DOP1A: variants seen among roughly 807,000 people sequenced by gnomAD.
DOP1A encodes the protein DOP1 leucine zipper like protein A, also known as protein DOP1A.
DOP1A carries 90 observed loss-of-function variants against 267.6 expected under a neutral mutation model. The observed-to-expected ratio is 0.34, with a 90% CI of 0.28 to 0.40. The LOEUF is 0.40. Ranked by LOEUF, DOP1A falls within the 10% of genes least tolerant of loss-of-function variation. The pLI is 1.00. For synonymous variants in DOP1A, 932 were observed against 999.1 expected (o/e 0.93, Z 1.27); for missense variants, 2,437 against 2,900.4 (o/e 0.84, Z 3.67).
chr6:83,139,091 A>T lies in DOP1A; in HGVS notation c.5049A>T (p.Thr1683=). 6.2e-7 allele frequency: 1 copy of T among 1,614,034 alleles called. No homozygotes were observed. The highest frequency in any genetic ancestry group is 1.1e-5 in the South Asian group (1 of 91,068). The change falls in exon 21 of 39, where the codon ACA becomes ACT. Residue 1683 remains threonine (T), a synonymous_variant. Transcript: ENST00000349129. ...KVLQRVVVSV[T]LQLCRNLDNL... ...TGCAGAGAGTGGTTGTTTCTGTGAC[A>T]CTACAACTGTGCAGAAATTTAGATA... is the stretch of plus-strand genomic sequence containing the variant.
At chr6:83,113,833 C>A (rs898182987) in intron 7 of DOP1A, among the ~76,000 whole-genome samples, 3 of 152,150 alleles carry the variant, frequency 2.0e-5, no homozygotes, top group African/African-American at 7.2e-5. Flanking sequence ...TGTTTAGCCA[C>A]TGTGATATTC....
chr6:83,113,815 G>A (rs1352915043), intron 7 of DOP1A, among the ~76,000 whole-genome samples: 2 of 152,142 alleles, frequency 1.3e-5, no homozygotes, highest in African/African-American at 4.8e-5. Flanking sequence ...TATAACTTAA[G>A]AGCCACATGT....
intron 1 of DOP1A, among the ~76,000 whole-genome samples, chr6:83,073,778 C>A (rs1786011077): frequency 6.6e-6 from 1 of 152,158 alleles, no homozygotes; most frequent in African/African-American, 2.4e-5. Context: ...TCATGACTGG[C>A]AAGGCAAGTT....
intron 3 of DOP1A, among the ~76,000 whole-genome samples, chr6:83,099,361 T>C (rs1261773189): frequency 2.0e-5 from 3 of 152,254 alleles, no homozygotes; most frequent in East Asian, 1.9e-4. Flanking sequence ...CTTTTGAAGT[T>C]TGAATAATTC....
At chr6:83,084,168 A>G (rs892883695) in intron 1 of DOP1A, among the ~76,000 whole-genome samples, 2 of 152,188 alleles carry the variant, frequency 1.3e-5, no homozygotes, top group African/African-American at 4.8e-5. Context: ...TGGCCCACCT[A>G]TGTAACAGTG....
chr6:83,130,233 G>A lies in DOP1A; in HGVS notation c.2452G>A (p.Val818Met), dbSNP rs1777806737. ...TGCTATTTCACTAGTTATGGACCTG[G>A]TGGGACTGACACAGTCTGTGGCCAT... ...SVAISLVMDLVGLTQSVAMVT... is the reference protein window; with the variant it reads ...SVAISLVMDLMGLTQSVAMVT... The change falls in exon 17 of 39, where the codon GTG becomes ATG. Residue 818 changes from valine to methionine, a missense_variant. Around this residue, in one of 9 missense-constraint regions of DOP1A, gnomAD observed 878 missense variants for 992.9 expected, o/e 0.88. Transcript: ENST00000349129. 6.2e-7 allele frequency: 1 copy of A among 1,613,944 alleles called. No individual in the cohort carries two copies. Among genetic ancestry groups the A allele is most frequent in the African/African-American group, 1.3e-5 (1 of 74,904 alleles).
intron 21 of DOP1A, among the ~76,000 whole-genome samples, chr6:83,139,600 G>A (rs1046930480): frequency 4.9e-4 from 75 of 152,118 alleles, no homozygotes; most frequent in Non-Finnish European, 4.9e-4. Context: ...TTCGATCTGA[G>A]TCTCTATGCT....
intron 1 of DOP1A, among the ~76,000 whole-genome samples, chr6:83,092,398 A>G (rs1770592738): frequency 6.6e-6 from 1 of 152,190 alleles, no homozygotes; most frequent in Non-Finnish European, 1.5e-5. Context: ...GCAAATCCTT[A>G]TATAAAACAA....
chr6:83,111,194 C>A (rs770712121), intron 6 of DOP1A, among the ~76,000 whole-genome samples: 1 of 152,064 alleles, frequency 6.6e-6, no homozygotes, highest in Non-Finnish European at 1.5e-5. Flanking sequence ...AGGTAATCCA[C>A]CCACCTCAGC....
intron 6 of DOP1A, among the ~76,000 whole-genome samples, chr6:83,112,581 C>G (rs1338944350): frequency 6.6e-6 from 1 of 152,168 alleles, no homozygotes; most frequent in Non-Finnish European, 1.5e-5. Context: ...TCCCTTGCCT[C>G]AGCCACCTGA....
At chr6:83,158,317 A>T (rs1783326692) in intron 35 of DOP1A, among the ~76,000 whole-genome samples, 1 of 152,090 alleles carries the variant, frequency 6.6e-6, no homozygotes, top group African/African-American at 2.4e-5. Flanking sequence ...TCCTTTTTTA[A>T]TAACTAACTC....
rs1786250180 is a variant in DOP1A at position 83,167,998 on chromosome 6, A to C, written c.7229A>C (p.Lys2410Thr). 9.9e-6 allele frequency: 16 copies of C among 1,614,042 alleles called. No homozygotes were observed. The highest frequency in any genetic ancestry group is 1.3e-5 in the Non-Finnish European group (15 of 1,180,036). Residue 2410 changes from lysine (K) to threonine (T), a missense_variant, in exon 39 of 39, where the codon AAA becomes ACA. Physicochemically the swap from Lys to Thr is moderately conservative, Grantham distance 78. Around this residue, in one of 9 missense-constraint regions of DOP1A, gnomAD observed 197 missense variants for 246.5 expected, o/e 0.80. Coordinates refer to ENST00000349129, the MANE Select transcript of DOP1A (RefSeq NM_015018.4). ...FNVLSQVFNS[K>T]VTSRCGGHSG... ...GTGCTCAGTCAAGTCTTCAACAGCAAAGTCACAAGCCGATGTGGAGGACAC... is the reference window on the plus strand; with the variant it reads ...GTGCTCAGTCAAGTCTTCAACAGCACAGTCACAAGCCGATGTGGAGGACAC...
intron 25 of DOP1A, among the ~76,000 whole-genome samples, 157 bp from the exon 26 acceptor site, chr6:83,147,079 G>A (rs1447469029): frequency 6.6e-6 from 1 of 152,054 alleles, no homozygotes; most frequent in African/African-American, 2.4e-5. Context: ...CCTACTGAGT[G>A]GAAGAGAACT....
Position 83,119,778 on chromosome 6 carries a change from C to T in DOP1A, c.911C>T (p.Pro304Leu). The T allele has an allele frequency of 6.2e-7, 1 of 1,612,664 alleles. No individual in the cohort carries two copies. The highest frequency in any genetic ancestry group is 8.5e-7 in the Non-Finnish European group (1 of 1,179,098). ...GATAACAACGGTGCTATCATAGGAC[C>T]CAGAAGCACAAGACACAGTAATCCT... The part of the protein sequence containing the change: ...GFDNNGAIIG[P>L]RSTRHSNPEE... Residue 304 changes from proline to leucine, a missense_variant, in exon 9 of 39, where the codon CCC (proline) becomes CTC (leucine). By Grantham distance (98) the Pro-to-Leu change is moderately conservative (BLOSUM62 -3). This residue lies in a region of DOP1A where 498 missense variants were observed against 513.5 expected (regional missense o/e 0.97). Coordinates refer to ENST00000349129, the MANE Select transcript of DOP1A (RefSeq NM_015018.4).
intron 24 of DOP1A, among the ~76,000 whole-genome samples, chr6:83,144,204 A>T (rs1562358393): frequency 6.6e-6 from 1 of 152,204 alleles, no homozygotes; most frequent in Non-Finnish European, 1.5e-5. Context: ...TGAAGAAGAC[A>T]GGGGATCCAA....
intron 10 of DOP1A, 124 bp downstream of exon 10, chr6:83,120,915 A>G (rs1776267409): frequency 1.6e-6 from 1 of 632,498 alleles, no homozygotes; most frequent in East Asian, 2.9e-5. Context: ...GTTCTCAACA[A>G]TTTCTTAAAG....
At chr6:83,120,885 G>T in intron 10 of DOP1A, 94 bp downstream of exon 10, 1 of 943,238 alleles carries the variant, frequency 1.1e-6, no homozygotes, top group East Asian at 2.7e-5. Flanking sequence ...GTTATATTTT[G>T]AGGTGGCCTT....
intron 38 of DOP1A, chr6:83,165,215 G>A (rs1785173429): frequency 6.5e-6 from 1 of 153,108 alleles, no homozygotes; most frequent in African/African-American, 2.4e-5. Context: ...GTCAGTCACA[G>A]GACTCTCATT....
chr6:83,132,427 T>G, intron 18 of DOP1A, 99 bp downstream of exon 18: 161 of 1,221,270 alleles, frequency 1.3e-4, no homozygotes, highest in Non-Finnish European at 1.7e-4. Context: ...TTATTGCAAT[T>G]AACATCGGAG....
Sources: allele counts gnomAD v4.1 joint callset (sites outside exome capture counted in the v4.1 genomes callset), GRCh38; gene constraint gnomAD v4.1.1; regional missense constraint gnomAD v4.1.1; transcripts MANE v1.5; gene names NCBI Gene and HGNC (gene_info 2026-07-23, HGNC 2026-07-21).